Variants in DMD observed in about 807,000 individuals in gnomAD.
The protein encoded by DMD is mutant dystrophin.
A neutral mutation model predicts 330.1 loss-of-function variants in DMD; 63 were observed. The observed-to-expected ratio is 0.19, with a 90% confidence interval of 0.16 to 0.24. The LOEUF (loss-of-function observed/expected upper bound fraction) is 0.24. Among genes scored for constraint, DMD ranks in the 10% least tolerant of loss-of-function variants. The probability of loss-of-function intolerance (pLI) is 1.00; values close to 1 mark genes in which losing one functional copy is unlikely to be tolerated. For missense variants in DMD, 3,344 were observed against 2,684.1 expected (o/e 1.25, Z -5.43); for synonymous variants, 1,223 against 959.8 (o/e 1.27, Z -5.07).
chrX:32,717,083 A>T (rs902369741), intron 7 of DMD, among the ~76,000 whole-genome samples: 3 of 111,225 alleles, frequency 2.7e-5, no homozygotes, highest in African/African-American at 9.8e-5. Flanking sequence ...GTAGAAAACA[A>T]AAGCCTATTT....
intron 2 of DMD, among the ~76,000 whole-genome samples, chrX:33,002,673 A>G (rs2093307304): frequency 9.1e-6 from 1 of 109,704 alleles, no homozygotes; most frequent in Non-Finnish European, 1.9e-5. Flanking sequence ...CCCATCTGCT[A>G]CACAGAAAAG....
intron 1 of DMD, among the ~76,000 whole-genome samples, chrX:33,302,765 T>C (rs757244751): frequency 9.9e-5 from 11 of 111,614 alleles, no homozygotes; most frequent in South Asian, 3.8e-4. Flanking sequence ...TGAACCTATA[T>C]TGACAAATCA....
rs1224830695 is a variant in DMD at position 32,599,720 on chromosome X, TACATAC to T, written c.1483-3850_1483-3845del. Among the ~76,000 whole-genome samples the T allele has an allele frequency of 1.5e-3, 172 of 111,960 alleles. 1 individual carries two copies. Among genetic ancestry groups the T allele is most frequent in the African/African-American group, 5.3e-3 (163 of 30,969 alleles). On this transcript the variant is annotated intron_variant, in intron 12 of 78. Transcript: ENST00000357033. ...TCCTTTATTAAAAGCTTCCAGATTG[TACATAC>T]ACATACACATATATACACACATACT...
chrX:32,499,483 T>C (rs943603973), intron 19 of DMD, among the ~76,000 whole-genome samples: 2 of 111,509 alleles, frequency 1.8e-5, no homozygotes, highest in African/African-American at 6.5e-5. Flanking sequence ...CTATACGTGG[T>C]TAAGAGGAAC....
chrX:32,767,608 T>TC (rs1311951620), intron 7 of DMD, among the ~76,000 whole-genome samples: 1 of 111,769 alleles, frequency 8.9e-6, no homozygotes, highest in Non-Finnish European at 1.9e-5. Context: ...TGGGTTTTTT[T>TC]CCACTTAGTG....
intron 44 of DMD, among the ~76,000 whole-genome samples, chrX:32,168,542 A>T (rs1411754662): frequency 1.3e-3 from 14 of 10,996 alleles, no homozygotes; most frequent in African/African-American, 0.011. Context: ...GACAGTTATA[A>T]AAAAAAAAAA....
chrX:32,798,263 G>A (rs754010577), intron 7 of DMD, among the ~76,000 whole-genome samples: 16 of 112,091 alleles, frequency 1.4e-4, no homozygotes, highest in Non-Finnish European at 2.4e-4. Flanking sequence ...AACTGAAATG[G>A]ATAAGGAGAA....
intron 18 of DMD, among the ~76,000 whole-genome samples, chrX:32,506,650 G>C (rs149342125): frequency 0.018 from 2,005 of 111,658 alleles, 21 homozygotes; most frequent in Non-Finnish European, 0.028. Flanking sequence ...TGTCTAATTA[G>C]TTAAGAAACT....
At chrX:31,820,322 G>A (rs1442315592) in intron 49 of DMD, among the ~76,000 whole-genome samples, 1 of 111,864 alleles carries the variant, frequency 8.9e-6, no homozygotes, top group East Asian at 2.8e-4. Context: ...TTATTTAAAG[G>A]AAGTAGAGTG....
At position 31,120,842 on chromosome X, in the gene DMD, T is replaced by TTGCTAGCAGCAGGAAGCTGAA. The variant is rs1457982510; in HGVS notation, c.*1056_*1076dup. On this transcript the variant is annotated 3_prime_UTR_variant, in exon 79 of 79. Transcript: ENST00000357033. ...GCATCATTAAATCTAAATCGTGGCA[T>TTGCTAGCAGCAGGAAGCTGAA]TGCTAGCAGCAGGAAGCTGAATGTA... 2 of 105,084 alleles carry TTGCTAGCAGCAGGAAGCTGAA rather than the reference T, an allele frequency of 1.9e-5. No homozygotes were observed. The highest frequency in any genetic ancestry group is 7.6e-5 in the African/African-American group (2 of 26,461). The allele number at this position is 105,084 out of a possible 1,213,427, so 8.7% of individuals were successfully genotyped here. A position where few individuals can be genotyped will look rare whatever the true frequency, so the allele number is the denominator to read the frequency against.
intron 2 of DMD, among the ~76,000 whole-genome samples, chrX:32,932,583 G>A (rs1402208181): frequency 1.8e-5 from 2 of 112,105 alleles, no homozygotes; most frequent in Non-Finnish European, 1.9e-5. Context: ...AATATCATAA[G>A]GGTGAAGAAA....
intron 48 of DMD, among the ~76,000 whole-genome samples, chrX:31,862,616 A>G (rs1043166582): frequency 8.9e-6 from 1 of 112,514 alleles, no homozygotes; most frequent in African/African-American, 3.2e-5. Flanking sequence ...GTTCCAGAAA[A>G]CAACACTTAA....
At chrX:33,271,771 A>AG in intron 1 of DMD, among the ~76,000 whole-genome samples, 1 of 108,183 alleles carries the variant, frequency 9.2e-6, no homozygotes, top group East Asian at 2.9e-4. Context: ...GTCTCAAAAA[A>AG]AAAACCAAAA....
At chrX:32,240,533 C>T (rs753147118) in intron 43 of DMD, among the ~76,000 whole-genome samples, 33 of 111,293 alleles carry the variant, frequency 3.0e-4, no homozygotes, top group South Asian at 1.5e-3. Flanking sequence ...TATAAGGCAT[C>T]CAGTCTATGG....
chrX:32,217,193 T>C, intron 43 of DMD, 130 bp from the exon 44 acceptor site: 2 of 642,558 alleles, frequency 3.1e-6, no homozygotes, highest in Non-Finnish European at 4.8e-6. Flanking sequence ...TTTGCAGAGT[T>C]TAGTTTCAAG....
chrX:32,872,243 T>C (rs1465902602), intron 2 of DMD, among the ~76,000 whole-genome samples: 1 of 111,783 alleles, frequency 8.9e-6, no homozygotes, highest in Non-Finnish European at 1.9e-5. Flanking sequence ...TTTTAACTGA[T>C]GCTCTGACCT....
chrX:32,807,261 A>T lies in DMD; in HGVS notation c.649+2232T>A, dbSNP rs984333412. Among the ~76,000 whole-genome samples the T allele has an allele frequency of 4.5e-5, 5 of 110,175 alleles. No individual in the cohort carries two copies. In the East Asian group the frequency reaches 1.4e-3, roughly 31 times the overall value. ...TCAAATAGACACAATAAAAAATGAT[A>T]AAGGGGATATCACCACTGATCCCAC... is the stretch of plus-strand genomic sequence containing the variant. On this transcript the variant is annotated intron_variant, in intron 7 of 78. Transcript: ENST00000357033.
intron 13 of DMD, among the ~76,000 whole-genome samples, chrX:32,577,315 T>C (rs2053167367): frequency 8.9e-6 from 1 of 112,112 alleles, no homozygotes; most frequent in African/African-American, 3.2e-5. Context: ...GCCCCCAGAA[T>C]GGTGAGAAAG....
chrX:31,216,183 G>A (rs1008376647), intron 64 of DMD, among the ~76,000 whole-genome samples: 2 of 112,336 alleles, frequency 1.8e-5, no homozygotes, highest in Non-Finnish European at 3.8e-5. Flanking sequence ...TGCAAGAAGC[G>A]CACTTCAAGG....
Sources: allele counts gnomAD v4.1 joint callset (sites outside exome capture counted in the v4.1 genomes callset), GRCh38; gene constraint gnomAD v4.1.1; transcripts MANE v1.5; gene names NCBI Gene and HGNC (gene_info 2026-07-23, HGNC 2026-07-21).